Variants in RFX3 observed in about 807,000 individuals in gnomAD.
The protein encoded by RFX3 is regulatory factor X3.
Under a neutral mutation model 98.6 loss-of-function variants are expected in RFX3, and 14 were observed. That is an observed-to-expected ratio of 0.14 (90% CI 0.09 to 0.22). The LOEUF is 0.22. RFX3 is among the 10% of genes least tolerant of loss of function. The pLI is 1.00. For missense variants in RFX3, 639 were observed against 926.9 expected (o/e 0.69, Z 4.03); for synonymous variants, 383 against 328.4 (o/e 1.17, Z -1.80).
At chr9:3,522,265 C>G (rs1332112349) in intron 1 of RFX3, among the ~76,000 whole-genome samples, 1 of 152,120 alleles carries the variant, frequency 6.6e-6, no homozygotes, top group Non-Finnish European at 1.5e-5. Flanking sequence ...TATGGGAACA[C>G]TATGTATCTG....
chr9:3,329,144 T>G (rs12003162), intron 4 of RFX3, among the ~76,000 whole-genome samples: 1 of 151,952 alleles, frequency 6.6e-6, no homozygotes, highest in African/African-American at 2.4e-5. Flanking sequence ...GTGGCTCACA[T>G]GCCTGTAATC....
In RFX3 at chr9:3,398,656, G is replaced by A. The variant is rs560190316; in HGVS notation, c.-8-3060C>T. Among the ~76,000 whole-genome samples, 51 of 152,066 alleles carry A rather than the reference G, an allele frequency of 3.4e-4. 1 individual carries two copies. The highest frequency in any genetic ancestry group is 5.8e-4 in the African/African-American group (24 of 41,524). Reference sequence around the variant, plus strand: ...TGAGTTTCTTACAATGATGTCACTCGCACTAAATCTGCCTCCTATTTCCCC... The same window carrying A: ...TGAGTTTCTTACAATGATGTCACTCACACTAAATCTGCCTCCTATTTCCCC... On this transcript the variant is annotated intron_variant, in intron 1 of 16. Transcript: ENST00000617270.
In RFX3 at chr9:3,315,286, C is replaced by T. The variant is rs1030530014; in HGVS notation, c.475-13666G>A. On this transcript the variant is annotated intron_variant, in intron 4 of 16. Coordinates refer to ENST00000617270, the MANE Select transcript of RFX3 (RefSeq NM_001282116.2). ...CTCCTGAATGACTACTGGGTACATA[C>T]GAAATGAAGGCAGAAATAAAGGTAT... 7.2e-5 allele frequency among the ~76,000 whole-genome samples: 10 copies of T among 139,520 alleles called. No individual in the cohort carries two copies. In the East Asian group the frequency reaches 1.2e-3, roughly 17 times the overall value. The allele number at this position is 139,520 out of a possible 152,430, so 91.5% of individuals were successfully genotyped here.
chr9:3,304,743 C>G (rs1312107689), intron 4 of RFX3, among the ~76,000 whole-genome samples: 1 of 151,984 alleles, frequency 6.6e-6, no homozygotes, highest in East Asian at 1.9e-4. Flanking sequence ...TGTGAGGTCT[C>G]CCCAGACACA....
chr9:3,474,123 C>T (rs1011950196), intron 1 of RFX3, among the ~76,000 whole-genome samples: 11 of 151,974 alleles, frequency 7.2e-5, no homozygotes, highest in African/African-American at 2.7e-4. Flanking sequence ...GCAAGTGTCT[C>T]AATTTTTTAA....
At chr9:3,367,803 C>G (rs1837380039) in intron 2 of RFX3, among the ~76,000 whole-genome samples, 1 of 152,140 alleles carries the variant, frequency 6.6e-6, no homozygotes, top group Non-Finnish European at 1.5e-5. Flanking sequence ...AATTCTTCCT[C>G]AAAAAGTTCG....
intron 1 of RFX3, among the ~76,000 whole-genome samples, chr9:3,493,731 A>G (rs1001495089): frequency 1.4e-5 from 2 of 147,450 alleles, no homozygotes; most frequent in Non-Finnish European, 3.0e-5. Flanking sequence ...ATATATACAT[A>G]CATACACACA....
chr9:3,330,559 T>C (rs769270076), intron 3 of RFX3, 42 bp from the exon 4 acceptor site: 6 of 1,541,442 alleles, frequency 3.9e-6, no homozygotes, highest in Admixed American at 1.9e-5. Context: ...AGCTTATTTA[T>C]GTCATCTTAT....
At chr9:3,270,896 A>T (rs1586822436) in intron 10 of RFX3, 107 bp downstream of exon 10, 1 of 1,496,952 alleles carries the variant, frequency 6.7e-7, no homozygotes, top group Non-Finnish European at 9.1e-7. Context: ...AATCTATTCA[A>T]TTAATGTCAT....
intron 16 of RFX3, among the ~76,000 whole-genome samples, chr9:3,228,372 T>A (rs183667059): frequency 1.3e-5 from 2 of 152,300 alleles, no homozygotes; most frequent in Admixed American, 6.5e-5. Flanking sequence ...TATGTTACCT[T>A]TTTCATCTAT....
At chr9:3,515,330 G>GA (rs1000386908) in intron 1 of RFX3, among the ~76,000 whole-genome samples, 8 of 152,034 alleles carry the variant, frequency 5.3e-5, no homozygotes, top group African/African-American at 1.7e-4. Flanking sequence ...TGATTCTTTG[G>GA]AAAAAAGGAA....
chr9:3,405,170 G>T (rs903745233), intron 1 of RFX3, among the ~76,000 whole-genome samples: 3 of 151,538 alleles, frequency 2.0e-5, no homozygotes, highest in Non-Finnish European at 4.4e-5. Flanking sequence ...CTTTCTGTTT[G>T]CCTCAGAAGT....
chr9:3,387,490 T>G (rs142576691), intron 2 of RFX3, among the ~76,000 whole-genome samples: 1 of 152,172 alleles, frequency 6.6e-6, no homozygotes, highest in Non-Finnish European at 1.5e-5. Flanking sequence ...GGCCTTAATA[T>G]TGGATTGGCA....
At chr9:3,514,885 AG>A (rs1818002689) in intron 1 of RFX3, among the ~76,000 whole-genome samples, 1 of 152,206 alleles carries the variant, frequency 6.6e-6, no homozygotes, top group African/African-American at 2.4e-5. Context: ...GTGCTTTTAA[AG>A]TTGTAAAGGT....
At chr9:3,352,585 G>T (rs532399730) in intron 2 of RFX3, among the ~76,000 whole-genome samples, 69 of 152,066 alleles carry the variant, frequency 4.5e-4, no homozygotes, top group African/African-American at 1.6e-3. Context: ...ATATTAAAAC[G>T]TATTGAAAGA....
chr9:3,339,485 C>G (rs912835696), intron 3 of RFX3, among the ~76,000 whole-genome samples: 1 of 152,194 alleles, frequency 6.6e-6, no homozygotes, highest in African/African-American at 2.4e-5. Flanking sequence ...GTGTGAATGC[C>G]ACATCAGCAT....
intron 2 of RFX3, chr9:3,394,832 A>G (rs1348860936): frequency 2.0e-6 from 2 of 985,192 alleles, no homozygotes; most frequent in African/African-American, 1.7e-5. Flanking sequence ...ATCCACATAC[A>G]TGAACAGCAT....
At chr9:3,354,804 A>G (rs1234845299) in intron 2 of RFX3, among the ~76,000 whole-genome samples, 2 of 151,884 alleles carry the variant, frequency 1.3e-5, no homozygotes, top group Non-Finnish European at 2.9e-5. Context: ...GGTAAGTTAT[A>G]GGGATTTTTT....
At chr9:3,303,480 G>C (rs1202859300) in intron 4 of RFX3, among the ~76,000 whole-genome samples, 1 of 151,754 alleles carries the variant, frequency 6.6e-6, no homozygotes, top group African/African-American at 2.4e-5. Flanking sequence ...TAAGATTTCA[G>C]TCTAGTAAAT....
Sources: gnomAD v4.1 joint callset for allele counts (sites outside exome capture counted in the v4.1 genomes callset) on GRCh38, gnomAD v4.1.1 for gene constraint, MANE v1.5 for transcripts, NCBI Gene and HGNC (gene_info 2026-07-23, HGNC 2026-07-21) for gene names.